Variants in USP44 observed in about 807,000 individuals in gnomAD.
USP44 encodes the protein ubiquitin specific peptidase 44.
In USP44, 61 loss-of-function variants were observed where a neutral mutation model predicts 69.0. The ratio of observed to expected loss-of-function variants is 0.88; its 90% confidence interval spans 0.72 to 1.09. The LOEUF (loss-of-function observed/expected upper bound fraction) is 1.09, where lower values mean the gene tolerates loss of function less well. Ranked by LOEUF, USP44 falls within the 50% of genes least tolerant of loss-of-function variation. The pLI, the probability that USP44 is intolerant of heterozygous loss-of-function variation, is 0.00. For missense variants in USP44, 753 were observed against 849.9 expected (o/e 0.89, Z 1.42); for synonymous variants, 297 against 295.4 (o/e 1.01, Z -0.06).
intron 2 of USP44, among the ~76,000 whole-genome samples, chr12:95,531,676 A>T (rs1229886514): frequency 6.6e-6 from 1 of 152,242 alleles, no homozygotes; most frequent in Non-Finnish European, 1.5e-5. Flanking sequence ...CTTAAGAAGA[A>T]TTACATCTGA....
chr12:95,527,174 A>C, intron 3 of USP44, among the ~76,000 whole-genome samples: 1 of 150,298 alleles, frequency 6.7e-6, no homozygotes, highest in East Asian at 2.0e-4. Flanking sequence ...GGCTCACTGC[A>C]ACCTCCCCCT....
intron 1 of USP44, among the ~76,000 whole-genome samples, chr12:95,542,513 C>T (rs2077422166): frequency 6.6e-6 from 1 of 152,198 alleles, no homozygotes; most frequent in Admixed American, 6.5e-5. Flanking sequence ...CGCTTGTAAT[C>T]CCAGCACTTT....
Position 95,534,321 on chromosome 12 carries a change from T to C in USP44, c.-65A>G. 3 of 1,423,394 alleles carry C rather than the reference T, an allele frequency of 2.1e-6. No individual in the cohort carries two copies. The highest frequency in any genetic ancestry group is 2.1e-5 in the Admixed American group (1 of 47,770). The allele number at this position is 1,423,394 out of a possible 1,614,324, so 88.2% of individuals were successfully genotyped here. On this transcript the variant is annotated 5_prime_UTR_variant, in exon 2 of 6. Transcript: ENST00000258499. Reference sequence around the variant, plus strand: ...CTCTGTTCACAACACTTGAAGCATCTGAAAACTAAACAGAACAATGTCAAG... The same window carrying C: ...CTCTGTTCACAACACTTGAAGCATCCGAAAACTAAACAGAACAATGTCAAG...
intron 3 of USP44, among the ~76,000 whole-genome samples, chr12:95,526,912 T>C (rs2076856329): frequency 6.6e-6 from 1 of 152,158 alleles, no homozygotes; most frequent in African/African-American, 2.4e-5. Context: ...TATTCTTTTT[T>C]TTAATTTCAA....
At chr12:95,518,799 C>T (rs1217498075) in intron 5 of USP44, among the ~76,000 whole-genome samples, 2 of 152,004 alleles carry the variant, frequency 1.3e-5, no homozygotes, top group Admixed American at 6.6e-5. Context: ...ATTCGCCAGG[C>T]GTGGTGGTGC....
intron 1 of USP44, among the ~76,000 whole-genome samples, chr12:95,543,932 A>T (rs2077479365): frequency 8.5e-6 from 1 of 118,262 alleles, no homozygotes; most frequent in African/African-American, 3.2e-5. Context: ...GCGCCACTGC[A>T]CTCCAGCCAG....
intron 1 of USP44, among the ~76,000 whole-genome samples, chr12:95,541,965 C>T (rs377205756): frequency 2.0e-5 from 3 of 150,714 alleles, no homozygotes; most frequent in Admixed American, 6.6e-5. Flanking sequence ...CTGCAACTTC[C>T]GTTGTTGCAG....
intron 1 of USP44, among the ~76,000 whole-genome samples, chr12:95,547,145 T>TA (rs1399006979): frequency 6.6e-6 from 1 of 152,192 alleles, no homozygotes; most frequent in East Asian, 1.9e-4. Context: ...ATTTTTAAGC[T>TA]AAAAAATCTC....
chr12:95,525,303 A>G (rs1204029192), intron 3 of USP44, among the ~76,000 whole-genome samples: 2 of 152,050 alleles, frequency 1.3e-5, no homozygotes, highest in Non-Finnish European at 2.9e-5. Context: ...AACTCCTGAC[A>G]TTGTGATCCA....
chr12:95,527,097 C>CTTT (rs1276106110), intron 3 of USP44, among the ~76,000 whole-genome samples: 1 of 134,016 alleles, frequency 7.5e-6, no homozygotes, highest in Non-Finnish European at 1.6e-5. Flanking sequence ...CTGGATCATT[C>CTTT]TTTTTTTTTT....
chr12:95,540,342 CTTT>C (rs61446138), intron 1 of USP44, among the ~76,000 whole-genome samples: 9 of 130,102 alleles, frequency 6.9e-5, no homozygotes, highest in Admixed American at 1.6e-4. Context: ...TTCCATCCAT[CTTT>C]TTTTTTTTTT....
At chr12:95,536,831 T>G (rs1242506777) in intron 1 of USP44, among the ~76,000 whole-genome samples, 1 of 152,124 alleles carries the variant, frequency 6.6e-6, no homozygotes, top group East Asian at 1.9e-4. Flanking sequence ...TCTATTAATG[T>G]GTAGTCAGCA....
intron 1 of USP44, among the ~76,000 whole-genome samples, chr12:95,538,966 G>C (rs2077295334): frequency 6.6e-6 from 1 of 152,244 alleles, no homozygotes; most frequent in African/African-American, 2.4e-5. Flanking sequence ...ATTTTTGGCA[G>C]TATATTCATT....
rs1338170018 is a variant in USP44, at chr12:95,518,020, A to C, written c.*134T>G. 2 of 968,796 alleles carry C rather than the reference A, an allele frequency of 2.1e-6. No homozygotes were observed. Among genetic ancestry groups the C allele is most frequent in the East Asian group, 2.7e-5 (1 of 37,368 alleles). The allele number at this position is 968,796 out of a possible 1,614,324, so 60.0% of individuals were successfully genotyped here. Reference sequence around the variant, plus strand: ...ATATACATTTATACTTTGTAAAAAAAAAAATTGTTAGATATAAAATGTATA... The same window carrying C: ...ATATACATTTATACTTTGTAAAAAACAAAATTGTTAGATATAAAATGTATA... On this transcript the variant is annotated 3_prime_UTR_variant, in exon 6 of 6. Transcript: ENST00000258499.
At chr12:95,534,349 TTAA>T in intron 1 of USP44, 23 bp from the exon 2 acceptor site, 1 of 1,195,284 alleles carries the variant, frequency 8.4e-7, no homozygotes, top group South Asian at 1.5e-5. Context: ...ATGTCAAGTG[TTAA>T]TAACAAGATG....
chr12:95,540,545 T>C (rs1368218340), intron 1 of USP44, among the ~76,000 whole-genome samples: 2 of 152,130 alleles, frequency 1.3e-5, no homozygotes, highest in African/African-American at 2.4e-5. Flanking sequence ...TTTCACCGTG[T>C]TGGCCAGGCT....
At chr12:95,542,165 G>A (rs1240592880) in intron 1 of USP44, among the ~76,000 whole-genome samples, 1 of 152,144 alleles carries the variant, frequency 6.6e-6, no homozygotes, top group Admixed American at 6.5e-5. Context: ...ATAGGCATGA[G>A]ACACTATGCC....
rs2077657798 is a variant in USP44 at position 95,548,680 on chromosome 12, C to T, written c.-71+2592G>A. On this transcript the variant is annotated intron_variant, in intron 1 of 5. Transcript: ENST00000258499. This position sits in a 1 kb window ranked among gnomAD's most constrained non-coding sequence, Gnocchi z 4.1. ...GGCGAGAATAGGCCCCCAGGTGCCT[C>T]CCGGCCCCGGGGGCTGCCGTCGCAC... 1.3e-5 allele frequency: 2 copies of T among 152,208 alleles called. No homozygotes were observed. The allele number at this position is 152,208 out of a possible 1,614,324, so 9.4% of individuals were successfully genotyped here. A position where few individuals can be genotyped will look rare whatever the true frequency, so the allele number is the denominator to read the frequency against.
intron 1 of USP44, among the ~76,000 whole-genome samples, chr12:95,536,536 A>T (rs1179645973): frequency 6.6e-6 from 1 of 152,098 alleles, no homozygotes; most frequent in East Asian, 1.9e-4. Context: ...GAGGCAAGAA[A>T]CCTTAGAGTC....
Sources: gnomAD v4.1 joint callset for allele counts (sites outside exome capture counted in the v4.1 genomes callset) on GRCh38, gnomAD v4.1.1 for gene constraint, Gnocchi (gnomAD v3.1) non-coding constraint, MANE v1.5 for transcripts, NCBI Gene and HGNC (gene_info 2026-07-23, HGNC 2026-07-21) for gene names.